C12orf42: variants seen among roughly 807,000 people sequenced by gnomAD.
C12orf42 encodes the protein uncharacterized protein C12orf42.
A neutral mutation model predicts 21.6 loss-of-function variants in C12orf42; 25 were observed. The observed-to-expected ratio is 1.16, with a 90% CI of 0.84 to 1.62. The LOEUF (loss-of-function observed/expected upper bound fraction) is 1.62. Among genes scored for constraint, C12orf42 ranks in the 40% most tolerant of loss-of-function variants. The pLI is 0.00. For synonymous variants in C12orf42, 174 were observed against 175.0 expected (o/e 0.99, Z 0.05); for missense variants, 483 against 459.3 (o/e 1.05, Z -0.47).
At chr12:103,251,470 A>T (rs1422916810) in intron 10 of C12orf42, among the ~76,000 whole-genome samples, 1 of 152,088 alleles carries the variant, frequency 6.6e-6, no homozygotes, top group Admixed American at 6.6e-5. Flanking sequence ...CTGCTTCCTT[A>T]TTTGAACCCT....
At chr12:103,084,329 T>C in the C12orf42 span, among the ~76,000 whole-genome samples, 1 of 152,200 alleles carries the variant, frequency 6.6e-6, no homozygotes, top group Admixed American at 6.5e-5. Flanking sequence ...TTTAAAACAA[T>C]GTCCCCACTG....
chr12:103,484,461 T>C (rs967941668), intron 1 of C12orf42, among the ~76,000 whole-genome samples: 1 of 152,236 alleles, frequency 6.6e-6, no homozygotes, highest in Admixed American at 6.5e-5. Flanking sequence ...AAATGTCTTC[T>C]TTTGAGAAGT....
the C12orf42 span, among the ~76,000 whole-genome samples, chr12:103,171,620 ATAAG>A: frequency 2.6e-5 from 4 of 152,150 alleles, no homozygotes; most frequent in Admixed American, 1.3e-4. Context: ...GTTGGAAAAT[ATAAG>A]TAAGTGTTAG....
chr12:103,476,264 A>G (rs1954043271), intron 2 of C12orf42, among the ~76,000 whole-genome samples: 1 of 152,148 alleles, frequency 6.6e-6, no homozygotes, highest in Admixed American at 6.5e-5. Flanking sequence ...TCATATATAA[A>G]ATGGAGAAAA....
At chr12:103,268,809 A>G (rs1005923739) in exon 7 of C12orf42, 4 of 152,194 alleles carry the variant, frequency 2.6e-5, no homozygotes, top group Non-Finnish European at 5.9e-5. Flanking sequence ...GAAAGCATGC[A>G]TGTGTCACAT....
At chr12:103,164,561 T>C in the C12orf42 span, 1 of 428,220 alleles carries the variant, frequency 2.3e-6, no homozygotes, top group Non-Finnish European at 4.7e-6. Flanking sequence ...AGGGGGTGGG[T>C]GCCAGTATAA....
rs114997949 is a variant in C12orf42 at position 103,352,356 on chromosome 12, G to C, written c.259+16531C>G. On this transcript the variant is annotated intron_variant, in intron 4 of 5. Coordinates refer to ENST00000548883, the MANE Select transcript of C12orf42 (RefSeq NM_198521.5). ...GACTATGAAGAAATAAAAATAAGTAGCTTCACTCTATCACAATGGCACTAA... is the reference window on the plus strand; with the variant it reads ...GACTATGAAGAAATAAAAATAAGTACCTTCACTCTATCACAATGGCACTAA... 3.3e-3 allele frequency among the ~76,000 whole-genome samples: 503 copies of C among 152,252 alleles called. 3 individuals are homozygous for C. The highest frequency in any genetic ancestry group is 0.011 in the African/African-American group (477 of 41,546).
At chr12:103,350,320 C>T (rs1162101998) in intron 4 of C12orf42, among the ~76,000 whole-genome samples, 1 of 152,126 alleles carries the variant, frequency 6.6e-6, no homozygotes, top group Non-Finnish European at 1.5e-5. Context: ...GTGAATCACC[C>T]CTTTGTCCAG....
chr12:103,264,761 C>G (rs536724903), downstream of C12orf42, among the ~76,000 whole-genome samples: 1 of 152,224 alleles, frequency 6.6e-6, no homozygotes, highest in East Asian at 1.9e-4. Context: ...TTATTTATAA[C>G]TCCAAAAGTA....
chr12:103,329,856 GATAA>G (rs1283252087), intron 4 of C12orf42, among the ~76,000 whole-genome samples: 8 of 151,516 alleles, frequency 5.3e-5, no homozygotes, highest in Non-Finnish European at 1.2e-4. Flanking sequence ...AGAAAATTGT[GATAA>G]ATATATATTA....
chr12:103,374,934 A>G (rs949243735), intron 3 of C12orf42, among the ~76,000 whole-genome samples: 3 of 152,242 alleles, frequency 2.0e-5, no homozygotes, highest in Admixed American at 6.5e-5. Context: ...CCAAACAAAC[A>G]GTTAAGCCAA....
At chr12:103,198,745 A>C in the C12orf42 span, among the ~76,000 whole-genome samples, 1 of 152,198 alleles carries the variant, frequency 6.6e-6, no homozygotes, top group African/African-American at 2.4e-5. Context: ...GCTCAGGACC[A>C]GGGACAAGTC....
the C12orf42 span, among the ~76,000 whole-genome samples, chr12:103,063,564 C>T: frequency 6.6e-6 from 1 of 152,120 alleles, no homozygotes; most frequent in South Asian, 2.1e-4. Flanking sequence ...TGCCATCAGC[C>T]TTTCCATCTT....
At chr12:103,458,935 C>T (rs950997847) in intron 2 of C12orf42, among the ~76,000 whole-genome samples, 1 of 147,192 alleles carries the variant, frequency 6.8e-6, no homozygotes, top group African/African-American at 2.5e-5. Flanking sequence ...GAAGTAGACA[C>T]CAAGATGTAT....
chr12:103,451,664 T>C (rs1356391080), intron 2 of C12orf42, among the ~76,000 whole-genome samples: 1 of 152,146 alleles, frequency 6.6e-6, no homozygotes, highest in African/African-American at 2.4e-5. Context: ...TCCAACATTC[T>C]GCCTGGAAAC....
chr12:103,390,523 CA>C (rs1343433580), intron 3 of C12orf42, among the ~76,000 whole-genome samples: 1 of 152,090 alleles, frequency 6.6e-6, no homozygotes, highest in African/African-American at 2.4e-5. Context: ...TTTGGCAATT[CA>C]AATACTACAT....
intron 3 of C12orf42, among the ~76,000 whole-genome samples, chr12:103,373,328 T>C (rs946732391): frequency 5.3e-5 from 8 of 152,186 alleles, no homozygotes; most frequent in African/African-American, 1.2e-4. Flanking sequence ...CGGCTGTAGA[T>C]TGCAAATATT....
intron 4 of C12orf42, among the ~76,000 whole-genome samples, chr12:103,351,760 G>A (rs577342108): frequency 6.6e-6 from 1 of 152,184 alleles, no homozygotes; most frequent in East Asian, 1.9e-4. Context: ...GTGTCTAGAA[G>A]TCTTGATAAA....
chr12:103,560,432 T>C, the C12orf42 span, among the ~76,000 whole-genome samples: 1 of 151,058 alleles, frequency 6.6e-6, no homozygotes. Context: ...GTCTTCATCT[T>C]TTAAATAAGG....
Sources: allele counts gnomAD v4.1 joint callset (sites outside exome capture counted in the v4.1 genomes callset), GRCh38; gene constraint gnomAD v4.1.1; transcripts MANE v1.5; gene names NCBI Gene and HGNC (gene_info 2026-07-23, HGNC 2026-07-21).